Variants in ARHGAP15 observed in about 807,000 individuals in gnomAD.
The protein encoded by ARHGAP15 is rho GTPase-activating protein 15.
A neutral mutation model predicts 63.7 loss-of-function variants in ARHGAP15; 51 were observed. The observed-to-expected ratio is 0.80, with a 90% CI of 0.64 to 1.01. The LOEUF is 1.01. ARHGAP15 is among the 50% of genes least tolerant of loss of function. The pLI is 0.00. For synonymous variants in ARHGAP15, 191 were observed against 193.8 expected, an observed-to-expected ratio of 0.99 and a Z score of 0.12; for missense variants, 560 against 564.6, an observed-to-expected ratio of 0.99 and a Z score of 0.08.
At chr2:143,607,776 T>A (rs934209633) in intron 11 of ARHGAP15, 1 of 152,120 alleles carries the variant, frequency 6.6e-6, no homozygotes, top group Non-Finnish European at 1.5e-5. Flanking sequence ...AAAAACAAGA[T>A]AGGATTCGGA....
At chr2:143,179,579 A>G (rs1335917803) in intron 2 of ARHGAP15, among the ~76,000 whole-genome samples, 2 of 152,186 alleles carry the variant, frequency 1.3e-5, no homozygotes, top group African/African-American at 2.4e-5. Context: ...TAAGAGAGCA[A>G]TATCATTTTG....
chr2:143,255,196 T>A (rs994876401), intron 6 of ARHGAP15, among the ~76,000 whole-genome samples: 23 of 152,094 alleles, frequency 1.5e-4, no homozygotes, highest in African/African-American at 5.6e-4. Flanking sequence ...ATTAGGAATA[T>A]GTCAATTACC....
At chr2:143,227,304 A>T (rs1314740217) in intron 4 of ARHGAP15, among the ~76,000 whole-genome samples, 1 of 152,146 alleles carries the variant, frequency 6.6e-6, no homozygotes, top group Non-Finnish European at 1.5e-5. Flanking sequence ...AACTACTGTC[A>T]TATCAAGACT....
At chr2:143,527,235 C>T (rs1694318849) in intron 10 of ARHGAP15, among the ~76,000 whole-genome samples, 1 of 151,886 alleles carries the variant, frequency 6.6e-6, no homozygotes, top group African/African-American at 2.4e-5. Flanking sequence ...GAAATAATTA[C>T]AGTGGTCTAT....
At chr2:143,171,691 C>T (rs1218097058) in intron 2 of ARHGAP15, among the ~76,000 whole-genome samples, 2 of 151,988 alleles carry the variant, frequency 1.3e-5, no homozygotes, top group Admixed American at 1.3e-4. Flanking sequence ...TCAAGCTGTA[C>T]CTAACCCTAA....
chr2:143,199,955 G>A (rs1169149419), intron 2 of ARHGAP15, among the ~76,000 whole-genome samples: 1 of 152,046 alleles, frequency 6.6e-6, no homozygotes, highest in African/African-American at 2.4e-5. Context: ...TATAAGCTCT[G>A]TCCCACTTTC....
intron 6 of ARHGAP15, among the ~76,000 whole-genome samples, chr2:143,275,106 C>G (rs1681478949): frequency 6.6e-6 from 1 of 152,074 alleles, no homozygotes; most frequent in African/African-American, 2.4e-5. Flanking sequence ...TGCAGTGAGC[C>G]AAGATGGCAC....
intron 2 of ARHGAP15, among the ~76,000 whole-genome samples, chr2:143,185,249 T>C (rs1691395170): frequency 6.6e-6 from 1 of 152,196 alleles, no homozygotes; most frequent in Non-Finnish European, 1.5e-5. Flanking sequence ...GTGGATATGG[T>C]CTCTACTTAA....
intron 8 of ARHGAP15, among the ~76,000 whole-genome samples, chr2:143,479,718 T>G (rs1253120018): frequency 2.0e-5 from 3 of 152,138 alleles, no homozygotes; most frequent in Admixed American, 2.0e-4. Flanking sequence ...CTAAATGATC[T>G]GAATCTTTAC....
chr2:143,667,559 TTAAAGTA>T (rs1466778104), intron 12 of ARHGAP15, among the ~76,000 whole-genome samples: 1 of 140,000 alleles, frequency 7.1e-6, no homozygotes, highest in Non-Finnish European at 1.5e-5. Context: ...ACCCTAAAAC[TTAAAGTA>T]TAATTTAAAA....
chr2:143,269,707 T>G (rs1403590039), intron 6 of ARHGAP15, among the ~76,000 whole-genome samples: 3 of 152,148 alleles, frequency 2.0e-5, no homozygotes, highest in Non-Finnish European at 4.4e-5. Context: ...CAAGCTACTT[T>G]TAAAATATTT....
intron 12 of ARHGAP15, among the ~76,000 whole-genome samples, chr2:143,660,257 G>A (rs1227355410): frequency 6.6e-6 from 1 of 152,016 alleles, no homozygotes; most frequent in African/African-American, 2.4e-5. Flanking sequence ...TCCACATTCT[G>A]TATAATTCTT....
At chr2:143,358,569 G>A (rs572654484) in intron 6 of ARHGAP15, among the ~76,000 whole-genome samples, 1 of 150,808 alleles carries the variant, frequency 6.6e-6, no homozygotes, top group Admixed American at 6.6e-5. Flanking sequence ...TTTAGGAAAA[G>A]GCACTTATTT....
intron 11 of ARHGAP15, among the ~76,000 whole-genome samples, chr2:143,616,153 G>T (rs183857499): frequency 6.6e-6 from 1 of 152,074 alleles, no homozygotes; most frequent in Non-Finnish European, 1.5e-5. Flanking sequence ...TGTCACTAAC[G>T]TCATTTTATA....
intron 1 of ARHGAP15, among the ~76,000 whole-genome samples, chr2:143,138,574 G>A (rs1296158289): frequency 2.6e-5 from 4 of 152,118 alleles, no homozygotes; most frequent in Admixed American, 6.5e-5. Context: ...TTGTGAGGAA[G>A]AAAACGTTCT....
At chr2:143,472,767 G>C (rs1316439105) in intron 8 of ARHGAP15, among the ~76,000 whole-genome samples, 2 of 152,234 alleles carry the variant, frequency 1.3e-5, no homozygotes, top group South Asian at 4.2e-4. Context: ...ATAAAGCACT[G>C]TGATATTGTA....
chr2:143,153,830 CTTCTTCTTCT>C (rs1558779415), intron 1 of ARHGAP15, among the ~76,000 whole-genome samples: 1,187 of 92,934 alleles, frequency 0.013, 75 homozygotes, highest in Middle Eastern at 0.037. Context: ...TCTTCTTCTT[CTTCTTCTTCT>C]TCTTCCTCCT....
At chr2:143,541,986 A>G (rs1695084860) in intron 10 of ARHGAP15, among the ~76,000 whole-genome samples, 1 of 152,188 alleles carries the variant, frequency 6.6e-6, no homozygotes, top group Non-Finnish European at 1.5e-5. Flanking sequence ...TGGAGCCTAC[A>G]GAGGCAGGCA....
intron 9 of ARHGAP15, among the ~76,000 whole-genome samples, chr2:143,500,783 T>G (rs1249603101): frequency 6.6e-6 from 1 of 152,186 alleles, no homozygotes; most frequent in Non-Finnish European, 1.5e-5. Flanking sequence ...TCTAAGAAAC[T>G]GCTACCAAGG....
Sources: gnomAD v4.1 joint callset for allele counts (sites outside exome capture counted in the v4.1 genomes callset) on GRCh38, gnomAD v4.1.1 for gene constraint, MANE v1.5 for transcripts, NCBI Gene and HGNC (gene_info 2026-07-23, HGNC 2026-07-21) for gene names.